The following ITPR3 variants were observed in gnomAD, a reference collection of about 807,000 sequenced individuals.
The protein encoded by ITPR3 is inositol 1,4,5-trisphosphate receptor type 3.
ITPR3 carries 173 observed loss-of-function variants against 293.2 expected under a neutral mutation model. That is an observed-to-expected ratio of 0.59 (90% CI 0.52 to 0.67). The LOEUF (loss-of-function observed/expected upper bound fraction) is 0.67. Among genes scored for constraint, ITPR3 ranks in the 30% least tolerant of loss-of-function variants. The pLI, the probability that ITPR3 is intolerant of heterozygous loss-of-function variation, is 0.00. For missense variants in ITPR3, 2,796 were observed against 3,592.1 expected, an observed-to-expected ratio of 0.78 and a Z score of 5.66; for synonymous variants, 1,295 against 1,444.4, an observed-to-expected ratio of 0.90 and a Z score of 2.35.
chr6:33,663,781 T>C lies in ITPR3; in HGVS notation c.1049T>C (p.Ile350Thr), dbSNP rs1287033289. The change falls in exon 11 of 58, where the codon ATC becomes ACC. Residue 350 changes from isoleucine to threonine, a missense_variant. By Grantham distance (89) the Ile-to-Thr change is moderately conservative (BLOSUM62 -1). This residue lies in a region of ITPR3 where 955 missense variants were observed against 1,180.8 expected (regional missense o/e 0.81). Coordinates refer to ENST00000605930, the MANE Select transcript of ITPR3 (RefSeq NM_002224.4). ...RTGRRNAGEK[I>T]KYCLVAVPHG... is the part of the protein sequence containing the mutation. ...GGCCGCAGGAATGCTGGGGAGAAGA[T>C]CAAGTACTGCCTGGTGGCTGTGCCT... The C allele has an allele frequency of 3.1e-6, 5 of 1,613,964 alleles. No homozygotes were observed. The highest frequency in any genetic ancestry group is 4.2e-6 in the Non-Finnish European group (5 of 1,180,010).
rs1329758312 is a variant in ITPR3, at chr6:33,678,282, G to A, written c.3649-139G>A. The A allele has an allele frequency of 3.4e-6, 4 of 1,174,848 alleles. No homozygotes were observed. The African/African-American group carries it at 4.6e-5, about 14-fold the overall frequency. 72.8% of individuals were successfully genotyped at this position (1,174,848 alleles called of 1,614,324 possible). On this transcript the variant is annotated intron_variant, in intron 28 of 57. Coordinates refer to ENST00000605930, the MANE Select transcript of ITPR3 (RefSeq NM_002224.4). ...CACACATTTCCATCCTGACCTGGGG[G>A]CCCCACTTTCCCTTTACGCTGGCCT...
intron 33 of ITPR3, 86 bp downstream of exon 33, chr6:33,680,766 T>G: frequency 6.7e-7 from 1 of 1,489,194 alleles, no homozygotes. Context: ...CATATTTATA[T>G]TTGCTTATAG....
At position 33,684,522 on chromosome 6, in the gene ITPR3, C is replaced by G; in HGVS notation, c.5046+57C>G. The G allele has an allele frequency of 6.2e-7, 1 of 1,604,726 alleles. No homozygotes were observed. The highest frequency in any genetic ancestry group is 8.5e-7 in the Non-Finnish European group (1 of 1,171,594). The stretch of plus-strand genomic sequence containing the variant: ...GGCCAGTCAGGAGTACCCAGGGGCT[C>G]AGGGTCAAGCCCGTCAGGCCAGTGG... On this transcript the variant is annotated intron_variant, in intron 37 of 57. Transcript: ENST00000605930. This position sits in a 1 kb window ranked among gnomAD's most constrained non-coding sequence, Gnocchi z 4.2.
chr6:33,662,827 C>A, intron 8 of ITPR3, 84 bp from the exon 9 acceptor site: 1 of 1,497,006 alleles, frequency 6.7e-7, no homozygotes, highest in Non-Finnish European at 9.0e-7. Flanking sequence ...ACCCACCCAC[C>A]CAGAGATCTC....
Position 33,664,018 on chromosome 6 carries a change from C to T in ITPR3, c.1148+138C>T, listed in dbSNP as rs1764546864. 1.9e-6 allele frequency: 2 copies of T among 1,036,308 alleles called. No individual in the cohort carries two copies. The highest frequency in any genetic ancestry group is 3.2e-5 in the African/African-American group (2 of 62,380). 64.2% of individuals were successfully genotyped at this position (1,036,308 alleles called of 1,614,324 possible). On this transcript the variant is annotated intron_variant, in intron 11 of 57. Transcript: ENST00000605930. The surrounding 1 kb of genome is among the most constrained non-coding windows in gnomAD (Gnocchi z 4.4). The stretch of plus-strand genomic sequence containing the variant: ...TCTGGGGTCTCTGTAGGTCCCATCC[C>T]TCTGGGGATCTAGCTCTGAGTCTGT...
intron 1 of ITPR3, among the ~76,000 whole-genome samples, chr6:33,625,318 C>T (rs574574773): frequency 2.0e-5 from 3 of 152,246 alleles, no homozygotes; most frequent in East Asian, 1.9e-4. Context: ...CAACCTCAGC[C>T]TCCTGGGTTC....
At chr6:33,628,281 G>A (rs1322658546) in intron 1 of ITPR3, among the ~76,000 whole-genome samples, 1 of 152,238 alleles carries the variant, frequency 6.6e-6, no homozygotes, top group Non-Finnish European at 1.5e-5. Flanking sequence ...GGCTGTGTGA[G>A]TGGAAGGGAA....
At position 33,665,921 on chromosome 6, in the gene ITPR3, C is replaced by T. The variant is rs1764597345; in HGVS notation, c.1496C>T (p.Thr499Ile). The T allele has an allele frequency of 6.2e-7, 1 of 1,614,162 alleles. No homozygotes were observed. Among genetic ancestry groups the T allele is most frequent in the African/African-American group, 1.3e-5 (1 of 75,048 alleles). The change falls in exon 14 of 58, where the codon ACT (threonine) becomes ATT (isoleucine). Residue 499 changes from threonine to isoleucine, a missense_variant. Around this residue, in one of 8 missense-constraint regions of ITPR3, gnomAD observed 955 missense variants for 1,180.8 expected, o/e 0.81. Transcript: ENST00000605930. ...NGQNVLDIMV[T>I]KPNRERQKLM... ...CAGAATGTCCTGGACATCATGGTCA[C>T]TAAGCCCAACCGGGAACGGCAGAAG...
In ITPR3 at chr6:33,684,502, G is replaced by A. The variant is rs764003303; in HGVS notation, c.5046+37G>A. ...GGTGGGGCAAGTGCTGGGTGGGCCA[G>A]TCAGGAGTACCCAGGGGCTCAGGGT... On this transcript the variant is annotated intron_variant, in intron 37 of 57. Transcript: ENST00000605930. The surrounding 1 kb of genome is among the most constrained non-coding windows in gnomAD (Gnocchi z 4.2). 6.2e-7 allele frequency: 1 copy of A among 1,608,354 alleles called. No homozygotes were observed. Among genetic ancestry groups the A allele is most frequent in the Non-Finnish European group, 8.5e-7 (1 of 1,174,830 alleles).
chr6:33,694,904 C>T lies in ITPR3; in HGVS notation c.7786-20C>T, dbSNP rs1259330545. The stretch of plus-strand genomic sequence containing the variant: ...TAGGCCGGGCCCACGCCTGCTTAAC[C>T]CACTGGTGATGTTTTTCAGAACAAG... On this transcript the variant is annotated intron_variant, in intron 56 of 57. Coordinates refer to ENST00000605930, the MANE Select transcript of ITPR3 (RefSeq NM_002224.4). The T allele has an allele frequency of 1.9e-6, 3 of 1,614,010 alleles. No homozygotes were observed. The highest frequency in any genetic ancestry group is 1.1e-5 in the South Asian group (1 of 91,072).
chr6:33,639,418 C>T (rs1763898001), intron 1 of ITPR3, among the ~76,000 whole-genome samples: 1 of 151,260 alleles, frequency 6.6e-6, no homozygotes, highest in Non-Finnish European at 1.5e-5. Flanking sequence ...TGTTAACCAA[C>T]CCAGGGAGAG....
Position 33,690,934 on chromosome 6 carries a change from C to T in ITPR3, c.7050C>T (p.Tyr2350=), listed in dbSNP as rs1431019494. 3 of 1,614,154 alleles carry T rather than the reference C, an allele frequency of 1.9e-6. No individual in the cohort carries two copies. In the South Asian group the frequency reaches 3.3e-5, roughly 18 times the overall value. The change falls in exon 52 of 58, where the codon TAC becomes TAT. Residue 2350 remains tyrosine (Y), a synonymous_variant. Transcript: ENST00000605930. ...TCCTGCAGCTCTTTGACCTCATCTACCGCGAGGAGACGCTGTTCAACGTCA... is the reference window on the plus strand; with the variant it reads ...TCCTGCAGCTCTTTGACCTCATCTATCGCGAGGAGACGCTGTTCAACGTCA... ...FYSILLFDLI[Y]REETLFNVIK...
chr6:33,669,103 C>T lies in ITPR3; in HGVS notation c.2136C>T (p.Ala712=). 6.2e-7 allele frequency: 1 copy of T among 1,614,128 alleles called. No homozygotes were observed. Among genetic ancestry groups the T allele is most frequent in the Non-Finnish European group, 8.5e-7 (1 of 1,180,010 alleles). ...ATGAGAAGAGTGTGAGGCAGCTGGC[C>T]CAGGAGGCGCGGGCCGGCAACGCCC... is the stretch of plus-strand genomic sequence containing the variant. ...EHHEKSVRQL[A]QEARAGNAHD... The change falls in exon 18 of 58, where the codon GCC becomes GCT. Residue 712 remains alanine, a synonymous_variant. Coordinates refer to ENST00000605930, the MANE Select transcript of ITPR3 (RefSeq NM_002224.4).
chr6:33,695,717 G>C lies in ITPR3; in HGVS notation c.7953G>C (p.Thr2651=), dbSNP rs147021135. The C allele has an allele frequency of 9.9e-6, 16 of 1,614,120 alleles. No homozygotes were observed. Among genetic ancestry groups the C allele is most frequent in the Non-Finnish European group, 1.3e-5 (15 of 1,180,016 alleles). Residue 2651 remains threonine, a synonymous_variant, in exon 58 of 58, where the codon ACG becomes ACC. Transcript: ENST00000605930. ...AQLNELKEQM[T]EQRKRRQRLG... Reference sequence around the variant, plus strand: ...TGGCATCTGCTTAACCCTAGATGACGGAGCAGCGGAAACGCAGGCAACGCC... The same window carrying C: ...TGGCATCTGCTTAACCCTAGATGACCGAGCAGCGGAAACGCAGGCAACGCC...
chr6:33,628,684 T>G (rs566945880), intron 1 of ITPR3, among the ~76,000 whole-genome samples: 1 of 152,302 alleles, frequency 6.6e-6, no homozygotes, highest in East Asian at 1.9e-4. Flanking sequence ...AGAGACTCAT[T>G]GCAGAGGCTT....
In ITPR3 at chr6:33,667,732, G is replaced by A; in HGVS notation, c.1714-60G>A. 6.3e-7 allele frequency: 1 copy of A among 1,583,760 alleles called. No homozygotes were observed. Among genetic ancestry groups the A allele is most frequent in the Non-Finnish European group, 8.6e-7 (1 of 1,157,054 alleles). ...GGTTTGGGGGCAGCGTTCCAGAGCA[G>A]AGCTGGGCCCTTGGCCCACCTGTGA... On this transcript the variant is annotated intron_variant, in intron 15 of 57. Transcript: ENST00000605930. This position sits in a 1 kb window ranked among gnomAD's most constrained non-coding sequence, Gnocchi z 4.4.
chr6:33,696,024 G>A lies in ITPR3; in HGVS notation c.*244G>A. On this transcript the variant is annotated 3_prime_UTR_variant, in exon 58 of 58. Transcript: ENST00000605930. ...TCACTGGGACTCAGTTTACCTTAAT[G>A]CCTTAGCAGAAGATAAATCCTACCT... 2 of 538,102 alleles carry A rather than the reference G, an allele frequency of 3.7e-6. No individual in the cohort carries two copies. The highest frequency in any genetic ancestry group is 6.7e-6 in the Non-Finnish European group (2 of 300,728). 33.3% of individuals were successfully genotyped at this position (538,102 alleles called of 1,614,324 possible). A position where few individuals can be genotyped will look rare whatever the true frequency, so the allele number is the denominator to read the frequency against.
At chr6:33,689,690 C>T (rs563530783) in intron 50 of ITPR3, among the ~76,000 whole-genome samples, 2 of 152,348 alleles carry the variant, frequency 1.3e-5, no homozygotes, top group South Asian at 4.1e-4. Context: ...CTGTGCACTG[C>T]CCAGAGGCAC....
At chr6:33,685,569 G>A in intron 40 of ITPR3, 36 bp downstream of exon 40, 1 of 1,601,756 alleles carries the variant, frequency 6.2e-7, no homozygotes, top group Non-Finnish European at 8.5e-7. Flanking sequence ...GCGTGACGGG[G>A]ATCCCAGGAT....
Sources: allele counts gnomAD v4.1 joint callset (sites outside exome capture counted in the v4.1 genomes callset), GRCh38; gene constraint gnomAD v4.1.1; regional missense constraint gnomAD v4.1.1; non-coding constraint Gnocchi (gnomAD v3.1); transcripts MANE v1.5; gene names NCBI Gene and HGNC (gene_info 2026-07-23, HGNC 2026-07-21).